Variants in PRKN observed in about 807,000 individuals in gnomAD.
The protein encoded by PRKN is parkin RBR E3 ubiquitin protein ligase, also known as E3 ubiquitin-protein ligase parkin.
Under a neutral mutation model 59.5 loss-of-function variants are expected in PRKN, and 56 were observed. That is an observed-to-expected ratio of 0.94 (90% CI 0.76 to 1.18). The LOEUF (loss-of-function observed/expected upper bound fraction) is 1.18. Ranked by LOEUF, PRKN falls within the 50% of genes most tolerant of loss-of-function variation. PRKN has a pLI of 0.00. For missense variants in PRKN, 657 were observed against 596.4 expected (o/e 1.10, Z -1.06); for synonymous variants, 250 against 222.1 (o/e 1.13, Z -1.12).
At position 161,582,629 on chromosome 6, in the gene PRKN, A is replaced by G. The variant is rs1011127025; in HGVS notation, c.872-13213T>C. On this transcript the variant is annotated intron_variant, in intron 7 of 11. Coordinates refer to ENST00000366898, the MANE Select transcript of PRKN (RefSeq NM_004562.3). The surrounding 1 kb of genome is among the most constrained non-coding windows in gnomAD (Gnocchi z 4.4). ...GTTTTAGTAGAGATGGGGTTTCACC[A>G]TGTTAGCCAGGATGGTCTCGATCTG... 6.6e-5 allele frequency among the ~76,000 whole-genome samples: 10 copies of G among 152,064 alleles called. No homozygotes were observed. The highest frequency in any genetic ancestry group is 1.9e-4 in the East Asian group (1 of 5,148).
At chr6:162,021,451 ATATATATATATTTTT>A (rs1783185239) in intron 5 of PRKN, among the ~76,000 whole-genome samples, 2 of 7,232 alleles carry the variant, frequency 2.8e-4, no homozygotes, top group African/African-American at 6.4e-4. Context: ...ATATATATAT[ATATATATATATTTTT>A]TTTTTTTTTT....
Position 162,194,187 on chromosome 6 carries a change from A to G in PRKN, c.534+6944T>C, listed in dbSNP as rs562253383. On this transcript the variant is annotated intron_variant, in intron 4 of 11. Transcript: ENST00000366898. ...TATTAAAGAAGAAAACGTTCTTAAG[A>G]AGATGAATTCACCTGTATTTCATAA... Among the ~76,000 whole-genome samples the G allele has an allele frequency of 2.8e-4, 42 of 152,364 alleles. 2 individuals carry two copies. The South Asian group carries it at 8.7e-3, about 32-fold the overall frequency.
chr6:161,714,664 G>C (rs943603465), intron 7 of PRKN, among the ~76,000 whole-genome samples: 2 of 152,060 alleles, frequency 1.3e-5, no homozygotes, highest in Non-Finnish European at 2.9e-5. Context: ...ATTTAAGACC[G>C]TAAACACAGA....
Position 161,413,944 on chromosome 6 carries a change from G to A in PRKN, c.1084-27067C>T, listed in dbSNP as rs1471737480. ...AAGAGGAGACTGTGGAAAGGGAAGC[G>A]AGGCAGAGGTGGCAGAAAGAGATGA... On this transcript the variant is annotated intron_variant, in intron 9 of 11. Transcript: ENST00000366898. This position sits in a 1 kb window ranked among gnomAD's most constrained non-coding sequence, Gnocchi z 4.4. Among the ~76,000 whole-genome samples the A allele has an allele frequency of 1.3e-5, 2 of 152,088 alleles. No homozygotes were observed. Among genetic ancestry groups the A allele is most frequent in the Non-Finnish European group, 2.9e-5 (2 of 68,028 alleles).
chr6:162,043,219 C>T (rs2128282507), intron 5 of PRKN, among the ~76,000 whole-genome samples: 1 of 152,244 alleles, frequency 6.6e-6, no homozygotes, highest in South Asian at 2.1e-4. Context: ...TCCAGCAACA[C>T]ATGGGAATTT....
chr6:161,935,071 C>A (rs1468743865), intron 6 of PRKN, among the ~76,000 whole-genome samples: 1 of 152,016 alleles, frequency 6.6e-6, no homozygotes, highest in African/African-American at 2.4e-5. Context: ...ATAAACATTT[C>A]AGAAATTGTA....
intron 9 of PRKN, among the ~76,000 whole-genome samples, chr6:161,519,853 C>T (rs2115355214): frequency 6.6e-6 from 1 of 150,928 alleles, no homozygotes; most frequent in Admixed American, 6.6e-5. Context: ...ATTCTCCTGC[C>T]CACACCCAGG....
At chr6:162,677,063 CA>C (rs536705591) in intron 1 of PRKN, among the ~76,000 whole-genome samples, 14,715 of 90,276 alleles carry the variant, frequency 0.16, 1,193 homozygotes, top group African/African-American at 0.33. Flanking sequence ...ACATCTCAAT[CA>C]AAAAAAAAAA....
chr6:162,646,543 C>G (rs918582640), intron 1 of PRKN, among the ~76,000 whole-genome samples: 20 of 152,124 alleles, frequency 1.3e-4, no homozygotes, highest in Non-Finnish European at 2.9e-5. Flanking sequence ...TTTGGCCTCC[C>G]AAACTGCTTG....
At chr6:162,439,159 T>C (rs1391705323) in intron 2 of PRKN, among the ~76,000 whole-genome samples, 1 of 152,150 alleles carries the variant, frequency 6.6e-6, no homozygotes, top group Non-Finnish European at 1.5e-5. Flanking sequence ...GGGACAAGGA[T>C]AGGGCCGCAG....
intron 4 of PRKN, among the ~76,000 whole-genome samples, chr6:162,153,640 G>A (rs375881438): frequency 6.6e-6 from 1 of 152,144 alleles, no homozygotes; most frequent in South Asian, 2.1e-4. Context: ...GATGATTAAT[G>A]CGGACAATTT....
In PRKN at chr6:162,539,685, A is replaced by G. The variant is rs114841522; in HGVS notation, c.8-96212T>C. Among the ~76,000 whole-genome samples the G allele has an allele frequency of 6.3e-3, 959 of 152,334 alleles. 7 individuals are homozygous for G. Among genetic ancestry groups the G allele is most frequent in the African/African-American group, 0.022 (922 of 41,576 alleles). On this transcript the variant is annotated intron_variant, in intron 1 of 11. Transcript: ENST00000366898. ...GGAACTAGATCCTGATAGTGCCCCA[A>G]TAACAGAAGAAAATCCCTATTCACA...
chr6:161,873,955 TTATATGTAAAATATAATATATAAAATA>T lies in PRKN; in HGVS notation c.735-88074_735-88048del, dbSNP rs1385936417. Among the ~76,000 whole-genome samples the T allele has an allele frequency of 4.9e-3, 481 of 98,266 alleles. 123 individuals are homozygous for T. Among genetic ancestry groups the T allele is most frequent in the African/African-American group, 0.018 (359 of 20,448 alleles). The allele number at this position is 98,266 out of a possible 152,430, so 64.5% of individuals were successfully genotyped here. A position where few individuals can be genotyped will look rare whatever the true frequency, so the allele number is the denominator to read the frequency against. ...ATAATATATATAAAAGAAATATATA[TTATATGTAAAATATAATATATAAAATA>T]TATATGTAAAATATAATATATAAAA... On this transcript the variant is annotated intron_variant, in intron 6 of 11. Coordinates refer to ENST00000366898, the MANE Select transcript of PRKN (RefSeq NM_004562.3).
intron 6 of PRKN, among the ~76,000 whole-genome samples, chr6:161,960,946 A>G (rs997943228): frequency 1.3e-5 from 2 of 152,188 alleles, no homozygotes; most frequent in African/African-American, 4.8e-5. Flanking sequence ...CCTAATCACT[A>G]TTACCTATGC....
intron 6 of PRKN, among the ~76,000 whole-genome samples, chr6:161,925,453 C>T (rs1778934085): frequency 1.3e-5 from 2 of 152,094 alleles, no homozygotes; most frequent in African/African-American, 2.4e-5. Flanking sequence ...CGCCTGTGAT[C>T]CCAGCTACTC....
At chr6:162,307,510 A>G (rs934023382) in intron 2 of PRKN, among the ~76,000 whole-genome samples, 3 of 152,092 alleles carry the variant, frequency 2.0e-5, no homozygotes, top group African/African-American at 2.4e-5. Context: ...ATGTGCATAT[A>G]TGGGAAAAAT....
chr6:161,563,209 T>A (rs1470296196), intron 8 of PRKN, among the ~76,000 whole-genome samples: 1 of 152,150 alleles, frequency 6.6e-6, no homozygotes, highest in Admixed American at 6.5e-5. Context: ...CTATTTGTTT[T>A]CATCCTAGCA....
intron 1 of PRKN, among the ~76,000 whole-genome samples, chr6:162,586,931 A>C (rs964117357): frequency 6.6e-6 from 1 of 152,150 alleles, no homozygotes; most frequent in Non-Finnish European, 1.5e-5. Flanking sequence ...GGCAGGTCCT[A>C]CTAATGCAGA....
At chr6:161,508,912 T>C (rs1280842340) in intron 9 of PRKN, among the ~76,000 whole-genome samples, 1 of 152,114 alleles carries the variant, frequency 6.6e-6, no homozygotes, top group Non-Finnish European at 1.5e-5. Flanking sequence ...TGGTGCGCTC[T>C]TGGCTCACCA....
Sources: gnomAD v4.1 joint callset for allele counts (sites outside exome capture counted in the v4.1 genomes callset) on GRCh38, gnomAD v4.1.1 for gene constraint, Gnocchi (gnomAD v3.1) non-coding constraint, MANE v1.5 for transcripts, NCBI Gene and HGNC (gene_info 2026-07-23, HGNC 2026-07-21) for gene names.